The following NDRG3 variants were observed in gnomAD, a reference collection of about 807,000 sequenced individuals.
The protein encoded by NDRG3 is protein NDRG3.
A neutral mutation model predicts 57.2 loss-of-function variants in NDRG3; 23 were observed. The ratio of observed to expected loss-of-function variants is 0.40; its 90% confidence interval spans 0.29 to 0.57. The LOEUF (loss-of-function observed/expected upper bound fraction) is 0.57. NDRG3 is among the 20% of genes least tolerant of loss of function. The pLI, the probability that NDRG3 is intolerant of heterozygous loss-of-function variation, is 0.42. For missense variants in NDRG3, 384 were observed against 457.3 expected (o/e 0.84, Z 1.46); for synonymous variants, 132 against 162.6 (o/e 0.81, Z 1.43).
intron 2 of NDRG3, among the ~76,000 whole-genome samples, chr20:36,714,645 GCT>G (rs1984121688): frequency 6.8e-6 from 1 of 147,816 alleles, no homozygotes; most frequent in Admixed American, 6.8e-5. Context: ...ACGGAGTCTT[GCT>G]CTGTCGCCCA....
chr20:36,693,098 A>C (rs1192078503), intron 3 of NDRG3, among the ~76,000 whole-genome samples: 1 of 61,390 alleles, frequency 1.6e-5, no homozygotes, highest in Non-Finnish European at 2.9e-5. Flanking sequence ...AAAAAAAAAA[A>C]AAAAAAAATA....
rs972342300 is a variant in NDRG3, at chr20:36,653,224, T to C, written c.*296A>G. On this transcript the variant is annotated 3_prime_UTR_variant, in exon 16 of 16. Transcript: ENST00000349004. This position sits in a 1 kb window ranked among gnomAD's most constrained non-coding sequence, Gnocchi z 4.2. The stretch of plus-strand genomic sequence containing the variant: ...CACACACAGAGTCGGGATCAAAGAA[T>C]CTTATCTGATACATAGTTGGGGGAG... 23 of 290,394 alleles carry C rather than the reference T, an allele frequency of 7.9e-5. No individual in the cohort carries two copies. The highest frequency in any genetic ancestry group is 1.4e-4 in the Non-Finnish European group (21 of 155,416). The allele number at this position is 290,394 out of a possible 1,614,324, so 18.0% of individuals were successfully genotyped here.
chr20:36,680,674 T>C (rs926111618), intron 8 of NDRG3, 142 bp downstream of exon 8: 11 of 593,778 alleles, frequency 1.9e-5, no homozygotes, highest in Non-Finnish European at 3.0e-5. Context: ...CTTGATTGGA[T>C]GGTGATTTTA....
rs149787416 is a variant in NDRG3, at chr20:36,675,222, G to A, written c.532-3825C>T. ...TTACAGACATGTGCCACCAGGCCCGGGTAATTTTTGTATTTTTAGTAGAGA... is the reference window on the plus strand; with the variant it reads ...TTACAGACATGTGCCACCAGGCCCGAGTAATTTTTGTATTTTTAGTAGAGA... On this transcript the variant is annotated intron_variant, in intron 8 of 15. Transcript: ENST00000349004. Among the ~76,000 whole-genome samples the A allele has an allele frequency of 3.4e-3, 518 of 151,362 alleles. 7 individuals are homozygous for A. Among genetic ancestry groups the A allele is most frequent in the African/African-American group, 0.012 (501 of 41,196 alleles).
At chr20:36,733,146 CAAAAAAAAAAAA>C (rs141850127) in intron 1 of NDRG3, among the ~76,000 whole-genome samples, 12 of 38,974 alleles carry the variant, frequency 3.1e-4, no homozygotes, top group Admixed American at 8.1e-4. Context: ...GATCCTGTCT[CAAAAAAAAAAAA>C]AAAAAAAAAA....
intron 1 of NDRG3, among the ~76,000 whole-genome samples, chr20:36,724,906 G>A (rs1197974782): frequency 6.6e-6 from 1 of 152,136 alleles, no homozygotes; most frequent in African/African-American, 2.4e-5. Context: ...TCCAGCCTGG[G>A]CAACAGAACA....
chr20:36,668,333 G>T (rs1329651586), intron 9 of NDRG3, among the ~76,000 whole-genome samples: 2 of 152,144 alleles, frequency 1.3e-5, no homozygotes, highest in African/African-American at 4.8e-5. Flanking sequence ...CCCTTGTAAA[G>T]TATGGTAGAG....
Position 36,652,645 on chromosome 20 carries a change from G to A in NDRG3, c.*875C>T, listed in dbSNP as rs1978326189. ...CACAGACCTAAGAGGCACTTCTTGT[G>A]GATATGTGGATGTCTGGTATCAGAT... On this transcript the variant is annotated 3_prime_UTR_variant, in exon 16 of 16. Transcript: ENST00000349004. The A allele has an allele frequency of 1.3e-5, 2 of 152,034 alleles. No individual in the cohort carries two copies. The highest frequency in any genetic ancestry group is 6.6e-5 in the Admixed American group (1 of 15,244). 9.4% of individuals were successfully genotyped at this position (152,034 alleles called of 1,614,324 possible).
At chr20:36,659,427 C>T (rs1978962677) in intron 13 of NDRG3, among the ~76,000 whole-genome samples, 1 of 151,846 alleles carries the variant, frequency 6.6e-6, no homozygotes, top group African/African-American at 2.4e-5. Flanking sequence ...CGTGCCCAGC[C>T]CGTCTCTAAT....
At chr20:36,721,957 T>C (rs1028408619) in intron 1 of NDRG3, among the ~76,000 whole-genome samples, 174 bp from the exon 2 acceptor site, 4 of 152,198 alleles carry the variant, frequency 2.6e-5, no homozygotes, top group African/African-American at 9.6e-5. Flanking sequence ...TATAGGATTC[T>C]TGCCTCCTGG....
intron 13 of NDRG3, among the ~76,000 whole-genome samples, chr20:36,659,687 G>A (rs973887776): frequency 2.6e-5 from 4 of 151,720 alleles, no homozygotes; most frequent in African/African-American, 4.8e-5. Flanking sequence ...TGCAACCTCC[G>A]CCTCCCAGGT....
chr20:36,704,488 C>G (rs913417663), intron 3 of NDRG3, among the ~76,000 whole-genome samples: 2 of 152,134 alleles, frequency 1.3e-5, no homozygotes, highest in African/African-American at 4.8e-5. Context: ...AGTTCCTCAC[C>G]TTGAATTTTA....
intron 9 of NDRG3, among the ~76,000 whole-genome samples, chr20:36,667,177 A>G (rs535205871): frequency 4.6e-4 from 70 of 151,720 alleles, no homozygotes; most frequent in African/African-American, 1.7e-3. Context: ...ATCTATATAT[A>G]CCACCATTTA....
At chr20:36,707,746 G>A (rs1277991896) in intron 2 of NDRG3, among the ~76,000 whole-genome samples, 1 of 152,132 alleles carries the variant, frequency 6.6e-6, no homozygotes, top group Non-Finnish European at 1.5e-5. Context: ...TAACTCAGAA[G>A]CATTTTTCCA....
At chr20:36,721,204 A>G (rs929382559) in intron 2 of NDRG3, among the ~76,000 whole-genome samples, 6 of 152,092 alleles carry the variant, frequency 3.9e-5, no homozygotes, top group African/African-American at 1.2e-4. Flanking sequence ...AGGAAGAAAT[A>G]AAAGGGGGGA....
chr20:36,721,872 G>A lies in NDRG3; in HGVS notation c.-48-89C>T, dbSNP rs1367663415. On this transcript the variant is annotated intron_variant, in intron 1 of 15. Transcript: ENST00000349004. ...ACAGTACACCCATTCATTCAAATAT[G>A]AGACTTACTCTGTGCCATGCCCTGC... 7.9e-6 allele frequency: 5 copies of A among 633,364 alleles called. No homozygotes were observed. The Admixed American group carries it at 1.4e-4, about 18-fold the overall frequency. The allele number at this position is 633,364 out of a possible 1,614,324, so 39.2% of individuals were successfully genotyped here. A position where few individuals can be genotyped will look rare whatever the true frequency, so the allele number is the denominator to read the frequency against.
intron 12 of NDRG3, among the ~76,000 whole-genome samples, chr20:36,661,367 T>C (rs1262595874): frequency 6.6e-6 from 1 of 152,236 alleles, no homozygotes; most frequent in East Asian, 1.9e-4. Flanking sequence ...TTCCATATTA[T>C]TTTAGGGCTA....
intron 1 of NDRG3, among the ~76,000 whole-genome samples, chr20:36,745,661 C>A (rs571510745): frequency 2.0e-5 from 3 of 152,204 alleles, no homozygotes; most frequent in Admixed American, 6.5e-5. Flanking sequence ...GCTCTTGGAG[C>A]GGGCGAGGTA....
chr20:36,698,125 C>G (rs913261498), intron 3 of NDRG3, among the ~76,000 whole-genome samples: 1 of 151,892 alleles, frequency 6.6e-6, no homozygotes, highest in African/African-American at 2.4e-5. Flanking sequence ...GCCACCACAC[C>G]TGGCTGATTT....
Sources: allele counts gnomAD v4.1 joint callset (sites outside exome capture counted in the v4.1 genomes callset), GRCh38; gene constraint gnomAD v4.1.1; non-coding constraint Gnocchi (gnomAD v3.1); transcripts MANE v1.5; gene names NCBI Gene and HGNC (gene_info 2026-07-23, HGNC 2026-07-21).